Variants in MIA2 observed in about 807,000 individuals in gnomAD.
MIA2 encodes melanoma inhibitory activity protein 2.
Under a neutral mutation model 167.8 loss-of-function variants are expected in MIA2, and 127 were observed. That is an observed-to-expected ratio of 0.76 (90% CI 0.66 to 0.88). MIA2 has a LOEUF of 0.88. Ranked by LOEUF, MIA2 falls within the 40% of genes least tolerant of loss-of-function variation. The pLI, the probability that MIA2 is intolerant of heterozygous loss-of-function variation, is 0.00. For synonymous variants in MIA2, 552 were observed against 541.9 expected, an observed-to-expected ratio of 1.02 and a Z score of -0.26; for missense variants, 1,690 against 1,624.7, an observed-to-expected ratio of 1.04 and a Z score of -0.69.
chr14:39,293,145 A>G (rs1566773270), intron 10 of MIA2, 126 bp from the exon 11 acceptor site: 4 of 716,336 alleles, frequency 5.6e-6, no homozygotes, highest in Admixed American at 3.0e-5. Context: ...TTTTGATATT[A>G]TAAAAATGAG....
chr14:39,292,829 A>AT (rs1056918284), intron 10 of MIA2: 56 of 165,728 alleles, frequency 3.4e-4, no homozygotes, highest in East Asian at 1.1e-3. Flanking sequence ...AGCAGCCTTG[A>AT]TTTTTTTTTA....
intron 17 of MIA2, among the ~76,000 whole-genome samples, chr14:39,307,114 C>G (rs1001583193): frequency 6.6e-6 from 1 of 151,798 alleles, no homozygotes; most frequent in African/African-American, 2.4e-5. Context: ...TCTGGCTTGA[C>G]TTATATGTCA....
chr14:39,334,472 A>T (rs569168697), intron 25 of MIA2, among the ~76,000 whole-genome samples: 12 of 147,896 alleles, frequency 8.1e-5, no homozygotes, highest in African/African-American at 2.2e-4. Flanking sequence ...AGACTCTCTC[A>T]AAAAAAAAAT....
At chr14:39,340,135 G>A (rs550763095) in intron 25 of MIA2, among the ~76,000 whole-genome samples, 4 of 152,266 alleles carry the variant, frequency 2.6e-5, no homozygotes, top group South Asian at 2.1e-4. Flanking sequence ...GAGCCACCAC[G>A]CCCTCCTTCG....
chr14:39,333,451 A>T (rs910683989), intron 25 of MIA2, among the ~76,000 whole-genome samples: 4 of 152,144 alleles, frequency 2.6e-5, no homozygotes, highest in African/African-American at 9.7e-5. Context: ...ACTTGGGCAG[A>T]GATTGTACCC....
chr14:39,322,172 A>G (rs1036352669), intron 24 of MIA2, among the ~76,000 whole-genome samples: 1 of 152,218 alleles, frequency 6.6e-6, no homozygotes, highest in Non-Finnish European at 1.5e-5. Flanking sequence ...TAATCTTTTT[A>G]TAGACTCAAG....
At chr14:39,360,462 T>TG (rs895354716) in intron 23 of MIA2, among the ~76,000 whole-genome samples, 155 of 151,306 alleles carry the variant, frequency 1.0e-3, no homozygotes, top group African/African-American at 3.6e-3. Context: ...ATGTTTTTTT[T>TG]TTTGTTTGTT....
At chr14:39,285,243 C>G (rs1227455319) in intron 9 of MIA2, among the ~76,000 whole-genome samples, 2 of 152,130 alleles carry the variant, frequency 1.3e-5, no homozygotes, top group Non-Finnish European at 2.9e-5. Context: ...GTCATCCTGG[C>G]CCGTTCTCAA....
intron 6 of MIA2, among the ~76,000 whole-genome samples, chr14:39,262,350 C>A (rs542184768): frequency 2.6e-5 from 4 of 152,120 alleles, no homozygotes; most frequent in South Asian, 2.1e-4. Context: ...ATTTCTGAGG[C>A]CTGTGTTCTG....
intron 23 of MIA2, among the ~76,000 whole-genome samples, chr14:39,359,315 A>G (rs2074618023): frequency 6.6e-6 from 1 of 152,188 alleles, no homozygotes; most frequent in African/African-American, 2.4e-5. Flanking sequence ...TGTGCTAGCA[A>G]TGAGTGAGGC....
intron 6 of MIA2, chr14:39,253,751 A>G (rs1478646076): frequency 6.6e-6 from 1 of 152,210 alleles, no homozygotes; most frequent in Non-Finnish European, 1.5e-5. Flanking sequence ...TACAAAAGCA[A>G]CTAATATATC....
rs946223448 is a variant in MIA2, at chr14:39,326,967, T to C, written c.3600T>C (p.Thr1200=). The change falls in exon 25 of 29, where the codon ACT becomes ACC. Residue 1200 remains threonine, a synonymous_variant. Transcript: ENST00000640607. ...LTDPHRAPSD[T]GSLSPPWDQD... ...ATCCTCATAGGGCTCCCTCTGACAC[T>C]GGGTCTCTGTCACCTCCATGGGACC... The C allele has an allele frequency of 2.5e-5, 39 of 1,583,220 alleles. No homozygotes were observed. The highest frequency in any genetic ancestry group is 3.1e-5 in the Non-Finnish European group (36 of 1,167,338).
intron 23 of MIA2, among the ~76,000 whole-genome samples, chr14:39,362,145 T>G (rs1008881481): frequency 1.3e-5 from 2 of 152,178 alleles, no homozygotes; most frequent in Non-Finnish European, 2.9e-5. Context: ...TGGCCTATAG[T>G]TTTGTTTTTT....
At position 39,252,940 on chromosome 14, in the gene MIA2, C is replaced by T. The variant is rs976520968; in HGVS notation, c.1760C>T (p.Ser587Phe). The T allele has an allele frequency of 6.2e-7, 1 of 1,609,950 alleles. No homozygotes were observed. Among genetic ancestry groups the T allele is most frequent in the Non-Finnish European group, 8.5e-7 (1 of 1,177,804 alleles). ...ATGGTTTCAACTGATAACTCTTTGT[C>T]TTCTCAAAATTATATTTCTCAGAAA... ...SQMVSTDNSLSSQNYISQKED... is the reference protein window; with the variant it reads ...SQMVSTDNSLFSQNYISQKED... The change falls in exon 5 of 29, where the codon TCT (serine) becomes TTT (phenylalanine). Residue 587 changes from serine (S) to phenylalanine (F), a missense_variant. Physicochemically the swap from Ser to Phe is radical, Grantham distance 155 (BLOSUM62 -2). Coordinates refer to ENST00000640607, the MANE Select transcript of MIA2 (RefSeq NM_001329214.4).
chr14:39,288,312 T>A (rs2060089987), intron 9 of MIA2, among the ~76,000 whole-genome samples: 1 of 150,160 alleles, frequency 6.7e-6, no homozygotes. Flanking sequence ...AAAAAAAAAA[T>A]GGATGTTCAA....
intron 6 of MIA2, chr14:39,266,867 C>T (rs1489655201): frequency 2.6e-6 from 2 of 760,930 alleles, no homozygotes; most frequent in African/African-American, 1.9e-5. Flanking sequence ...GCCGAGACGC[C>T]TCTAGGAGAA....
rs1227196891 is a variant in MIA2 at position 39,348,833 on chromosome 14, C to G, written c.3928C>G (p.Pro1310Ala). ...VPPPLAPIRG[P>A]LFPVDARGPF... Reference sequence around the variant, plus strand: ...TCCACCTCTTGCTCCAATCAGAGGTCCATTGTTTCCAGTGGATGCAAGAGG... The same window carrying G: ...TCCACCTCTTGCTCCAATCAGAGGTGCATTGTTTCCAGTGGATGCAAGAGG... The change falls in exon 28 of 29, where the codon CCA (proline) becomes GCA (alanine). Residue 1310 changes from proline to alanine, a missense_variant. Pro to Ala is a conservative substitution (Grantham distance 27). Transcript: ENST00000640607. The G allele has an allele frequency of 1.2e-6, 2 of 1,614,040 alleles. No homozygotes were observed. Among genetic ancestry groups the G allele is most frequent in the Non-Finnish European group, 1.7e-6 (2 of 1,179,940 alleles).
intron 6 of MIA2, among the ~76,000 whole-genome samples, chr14:39,263,260 T>C (rs889348261): frequency 6.6e-6 from 1 of 152,242 alleles, no homozygotes; most frequent in Non-Finnish European, 1.5e-5. Context: ...CTTTTCTGCA[T>C]GTATTGAGAT....
At chr14:39,255,344 C>T (rs1345589701) in intron 6 of MIA2, among the ~76,000 whole-genome samples, 1 of 152,000 alleles carries the variant, frequency 6.6e-6, no homozygotes, top group Non-Finnish European at 1.5e-5. Context: ...CTCGTCTCTA[C>T]AAAAAATACA....
Sources: gnomAD v4.1 joint callset for allele counts (sites outside exome capture counted in the v4.1 genomes callset) on GRCh38, gnomAD v4.1.1 for gene constraint, MANE v1.5 for transcripts, NCBI Gene and HGNC (gene_info 2026-07-23, HGNC 2026-07-21) for gene names.